Variants in KSR2 observed in about 807,000 individuals in gnomAD.
KSR2 encodes the protein kinase suppressor of ras 2.
KSR2 carries 25 observed loss-of-function variants against 107.8 expected under a neutral mutation model. The observed-to-expected ratio is 0.23, with a 90% CI of 0.17 to 0.32. The LOEUF (loss-of-function observed/expected upper bound fraction) is 0.32, where lower values mean the gene tolerates loss of function less well. Among genes scored for constraint, KSR2 ranks in the 10% least tolerant of loss-of-function variants. The probability of loss-of-function intolerance (pLI) is 1.00; values close to 1 mark genes in which losing one functional copy is unlikely to be tolerated. For synonymous variants in KSR2, 480 were observed against 507.0 expected (o/e 0.95, Z 0.71); for missense variants, 887 against 1,268.9 (o/e 0.70, Z 4.57).
intron 16 of KSR2, among the ~76,000 whole-genome samples, chr12:117,479,960 T>C (rs1488492645): frequency 6.6e-6 from 1 of 152,094 alleles, no homozygotes; most frequent in Non-Finnish European, 1.5e-5. Flanking sequence ...AATGAGACAG[T>C]GCGTGGCACA....
chr12:117,492,637 C>A (rs922560777), intron 14 of KSR2, among the ~76,000 whole-genome samples: 4 of 152,232 alleles, frequency 2.6e-5, no homozygotes, highest in Non-Finnish European at 4.4e-5. Context: ...ATTTACCCTA[C>A]ATGGCAAAGG....
At chr12:117,917,759 C>T (rs537510811) in intron 1 of KSR2, among the ~76,000 whole-genome samples, 3 of 152,156 alleles carry the variant, frequency 2.0e-5, no homozygotes, top group Non-Finnish European at 4.4e-5. Context: ...TACTCTGAAG[C>T]CTTACTGTAC....
intron 5 of KSR2, among the ~76,000 whole-genome samples, chr12:117,626,823 T>C (rs547061150): frequency 3.3e-5 from 5 of 152,300 alleles, no homozygotes; most frequent in Admixed American, 2.6e-4. Context: ...TCTCCCATTA[T>C]TATTGTGTGG....
intron 1 of KSR2, among the ~76,000 whole-genome samples, chr12:117,939,584 C>A (rs575648443): frequency 6.6e-6 from 1 of 152,020 alleles, no homozygotes; most frequent in Non-Finnish European, 1.5e-5. Context: ...TGGTGGCGGA[C>A]GCCTGTAATC....
At chr12:117,952,473 A>G (rs776556238) in intron 1 of KSR2, among the ~76,000 whole-genome samples, 5 of 151,528 alleles carry the variant, frequency 3.3e-5, no homozygotes, top group Non-Finnish European at 5.9e-5. Context: ...ACATAGCAAA[A>G]CCCCGTCTCT....
intron 1 of KSR2, among the ~76,000 whole-genome samples, chr12:117,898,718 T>C (rs1006504601): frequency 6.6e-6 from 1 of 151,838 alleles, no homozygotes; most frequent in African/African-American, 2.4e-5. Flanking sequence ...AAATATGGTA[T>C]GGATACACAA....
At chr12:117,484,274 A>G in intron 16 of KSR2, 142 bp downstream of exon 16, 2 of 882,118 alleles carry the variant, frequency 2.3e-6, no homozygotes, top group South Asian at 3.5e-5. Context: ...GGCATCCCAC[A>G]TCAGTAGAGC....
chr12:117,599,700 G>T (rs1880830780), intron 5 of KSR2, among the ~76,000 whole-genome samples: 1 of 151,860 alleles, frequency 6.6e-6, no homozygotes, highest in Admixed American at 6.6e-5. Context: ...CCCTGGGGGT[G>T]GAGAGGCAAC....
intron 7 of KSR2, among the ~76,000 whole-genome samples, chr12:117,576,018 C>T (rs149515973): frequency 5.6e-4 from 85 of 151,822 alleles, no homozygotes; most frequent in African/African-American, 1.9e-3. Context: ...TTGAAGCTTA[C>T]CCCCCCACCC....
At chr12:117,827,307 C>T (rs867837118) in intron 3 of KSR2, among the ~76,000 whole-genome samples, 148 of 152,294 alleles carry the variant, frequency 9.7e-4, no homozygotes, top group African/African-American at 3.5e-3. Context: ...CAGGGCTTTC[C>T]TCTCCCTTCC....
At position 117,761,244 on chromosome 12, in the gene KSR2, C is replaced by T. The variant is rs372935365; in HGVS notation, c.753G>A (p.Ser251=). 7.8e-6 allele frequency: 12 copies of T among 1,534,800 alleles called. No homozygotes were observed. The African/African-American group carries it at 1.1e-4, about 14-fold the overall frequency. The change falls in exon 4 of 20, where the codon TCG becomes TCA. Residue 251 remains serine, a synonymous_variant. Transcript: ENST00000339824. ...TGCGGACCGCGTGCCGCTGCCGGGGCGATGGGGGCAGGGAACGGTGGCCCG... is the reference window on the plus strand; with the variant it reads ...TGCGGACCGCGTGCCGCTGCCGGGGTGATGGGGGCAGGGAACGGTGGCCCG... ...LESGHRSLPP[S]PRQRHAVRTP...
chr12:117,896,454 C>A (rs1247049393), intron 1 of KSR2, among the ~76,000 whole-genome samples: 1 of 146,256 alleles, frequency 6.8e-6, no homozygotes, highest in African/African-American at 2.6e-5. Context: ...TGGTTTCGCA[C>A]AACATTTTTT....
chr12:117,606,923 T>C (rs1881311029), intron 5 of KSR2, among the ~76,000 whole-genome samples: 1 of 152,112 alleles, frequency 6.6e-6, no homozygotes, highest in Non-Finnish European at 1.5e-5. Context: ...ATTCCCTGGC[T>C]TAGGAGAGAA....
chr12:117,656,249 C>T (rs1020889232), intron 5 of KSR2, among the ~76,000 whole-genome samples: 3 of 152,190 alleles, frequency 2.0e-5, no homozygotes, highest in Non-Finnish European at 2.9e-5. Flanking sequence ...TGCGTATCAG[C>T]ATTTAAGCAT....
chr12:117,755,856 G>A (rs898080413), intron 4 of KSR2, among the ~76,000 whole-genome samples: 2 of 152,214 alleles, frequency 1.3e-5, no homozygotes, highest in Non-Finnish European at 2.9e-5. Flanking sequence ...CTATTCCCGT[G>A]AGCACATGAA....
intron 4 of KSR2, among the ~76,000 whole-genome samples, chr12:117,734,018 C>T (rs1477141919): frequency 6.6e-6 from 1 of 152,176 alleles, no homozygotes; most frequent in Non-Finnish European, 1.5e-5. Flanking sequence ...TGTGGTGGCT[C>T]ACGCTGGTGC....
intron 5 of KSR2, 31 bp downstream of exon 5, chr12:117,667,443 G>T: frequency 1.3e-6 from 2 of 1,593,586 alleles, no homozygotes. Flanking sequence ...CATGGCAAGC[G>T]TTCCCAGTGC....
intron 1 of KSR2, among the ~76,000 whole-genome samples, chr12:117,923,240 C>A (rs943752438): frequency 6.6e-5 from 10 of 152,218 alleles, no homozygotes; most frequent in South Asian, 6.2e-4. Context: ...CTATCTATAT[C>A]TATCTATAAA....
rs1036472539 is a variant in KSR2, at chr12:117,481,490, G to A, written c.2450+2926C>T. ...GGCCATATGAGGACACAGTAAGAAG[G>A]TGGCCATCTACAAGCTGGGAAGAGA... On this transcript the variant is annotated intron_variant, in intron 16 of 19. Coordinates refer to ENST00000339824, the MANE Select transcript of KSR2 (RefSeq NM_173598.6). 3.3e-5 allele frequency among the ~76,000 whole-genome samples: 5 copies of A among 152,168 alleles called. No homozygotes were observed. In the East Asian group the frequency reaches 9.6e-4, roughly 29 times the overall value.
Sources: gnomAD v4.1 joint callset for allele counts (sites outside exome capture counted in the v4.1 genomes callset) on GRCh38, gnomAD v4.1.1 for gene constraint, MANE v1.5 for transcripts, NCBI Gene and HGNC (gene_info 2026-07-23, HGNC 2026-07-21) for gene names.